CLEC16A: variants seen among roughly 807,000 people sequenced by gnomAD.
CLEC16A encodes C-type lectin domain containing 16A, also known as protein CLEC16A.
A neutral mutation model predicts 109.5 loss-of-function variants in CLEC16A; 51 were observed. The ratio of observed to expected loss-of-function variants is 0.47; its 90% CI spans 0.37 to 0.59. The LOEUF is 0.59. Ranked by LOEUF, CLEC16A falls within the 20% of genes least tolerant of loss-of-function variation. The probability of loss-of-function intolerance (pLI) is 0.00; values close to 1 mark genes in which losing one functional copy is unlikely to be tolerated. For missense variants in CLEC16A, 1,339 were observed against 1,394.0 expected (o/e 0.96, Z 0.63); for synonymous variants, 673 against 564.2 (o/e 1.19, Z -2.73).
intron 19 of CLEC16A, among the ~76,000 whole-genome samples, chr16:11,097,800 T>C (rs1238507531): frequency 6.6e-6 from 1 of 152,230 alleles, no homozygotes; most frequent in Non-Finnish European, 1.5e-5. Context: ...GCTTTGTTTT[T>C]CAATTATCCA....
intron 13 of CLEC16A, chr16:11,027,399 C>T (rs1463930986): frequency 9.1e-6 from 13 of 1,426,744 alleles, no homozygotes; most frequent in Admixed American, 1.7e-5. Context: ...AGTCACCCCC[C>T]AGAATCTACA....
intron 19 of CLEC16A, 50 bp downstream of exon 19, chr16:11,061,072 T>A (rs764761114): frequency 1.3e-6 from 2 of 1,545,314 alleles, no homozygotes; most frequent in East Asian, 4.7e-5. Flanking sequence ...ACATGGGACA[T>A]GGGACACCAC....
Position 11,039,843 on chromosome 16 carries a change from C to A in CLEC16A, c.1627C>A (p.Leu543Ile). The A allele has an allele frequency of 6.2e-7, 1 of 1,612,924 alleles. No individual in the cohort carries two copies. The highest frequency in any genetic ancestry group is 8.5e-7 in the Non-Finnish European group (1 of 1,179,506). Residue 543 changes from leucine to isoleucine, a missense_variant, in exon 14 of 24, where the codon CTC (leucine) becomes ATC (isoleucine). Physicochemically the swap from Leu to Ile is conservative, Grantham distance 5. Around this residue, in one of 3 missense-constraint regions of CLEC16A, gnomAD observed 1,061 missense variants for 1,006.8 expected, o/e 1.05. Coordinates refer to ENST00000409790, the MANE Select transcript of CLEC16A (RefSeq NM_015226.3). ...TTYNHPLAER[L>I]IRIMNNAAQP... Reference sequence around the variant, plus strand: ...CTACAACCACCCGCTAGCTGAAAGACTCATCAGGATCATGAACAACGCTGC... The same window carrying A: ...CTACAACCACCCGCTAGCTGAAAGAATCATCAGGATCATGAACAACGCTGC...
In CLEC16A at chr16:11,017,004, G is replaced by C. The variant is rs576339735; in HGVS notation, c.1304-3189G>C. 1.0e-4 allele frequency among the ~76,000 whole-genome samples: 13 copies of C among 127,638 alleles called. No individual in the cohort carries two copies. The South Asian group carries it at 1.9e-3, about 19-fold the overall frequency. The allele number at this position is 127,638 out of a possible 152,430, so 83.7% of individuals were successfully genotyped here. On this transcript the variant is annotated intron_variant, in intron 11 of 23. Transcript: ENST00000409790. ...GGGCCCATGTGAATATCGGGGCGGG[G>C]GGGGGGGTGCTCCTCCATGCCAAGG...
intron 22 of CLEC16A, among the ~76,000 whole-genome samples, chr16:11,151,008 C>T (rs1286297717): frequency 1.3e-5 from 2 of 152,172 alleles, no homozygotes; most frequent in Non-Finnish European, 2.9e-5. Context: ...ACCTAATGAC[C>T]TCATTTTAAC....
intron 13 of CLEC16A, among the ~76,000 whole-genome samples, chr16:11,039,211 CAA>C (rs1365298607): frequency 6.6e-6 from 1 of 152,156 alleles, no homozygotes; most frequent in Non-Finnish European, 1.5e-5. Flanking sequence ...AGCTTCTCTC[CAA>C]CACTATTAAG....
chr16:11,092,810 C>T (rs747413814), intron 19 of CLEC16A, among the ~76,000 whole-genome samples: 1 of 152,178 alleles, frequency 6.6e-6, no homozygotes, highest in Non-Finnish European at 1.5e-5. Context: ...CTGTGGGCCT[C>T]GGTTTCCTCT....
intron 19 of CLEC16A, among the ~76,000 whole-genome samples, chr16:11,075,428 ATGTGTG>A (rs112426314): frequency 6.5e-5 from 7 of 107,910 alleles, no homozygotes; most frequent in Non-Finnish European, 1.0e-4. Context: ...GTGTGTGTGT[ATGTGTG>A]TGTGTGTGTG....
rs552413859 is a variant in CLEC16A at position 10,989,536 on chromosome 16, G to T, written c.1071+6545G>T. ...AGGCATGAGCCATCACACCCAGCTG[G>T]AAAGTATAAATACTTAACTGCTAAT... On this transcript the variant is annotated intron_variant, in intron 10 of 23. Coordinates refer to ENST00000409790, the MANE Select transcript of CLEC16A (RefSeq NM_015226.3). Among the ~76,000 whole-genome samples, 30 of 152,314 alleles carry T rather than the reference G, an allele frequency of 2.0e-4. No individual in the cohort carries two copies. The South Asian group carries it at 5.8e-3, about 29-fold the overall frequency.
intron 1 of CLEC16A, among the ~76,000 whole-genome samples, chr16:10,946,778 G>A (rs2041401665): frequency 6.6e-6 from 1 of 152,118 alleles, no homozygotes; most frequent in Non-Finnish European, 1.5e-5. Context: ...AATTCCCTTA[G>A]TCCTCACAAG....
At chr16:11,073,181 G>C (rs556905545) in intron 19 of CLEC16A, among the ~76,000 whole-genome samples, 4 of 152,174 alleles carry the variant, frequency 2.6e-5, no homozygotes, top group Non-Finnish European at 4.4e-5. Flanking sequence ...GTGTGGTTTT[G>C]TGGCACTTTG....
At chr16:11,136,219 A>C (rs890030729) in intron 22 of CLEC16A, 3 of 152,218 alleles carry the variant, frequency 2.0e-5, no homozygotes, top group Non-Finnish European at 4.4e-5. Flanking sequence ...ATCTCAGTTT[A>C]TTCATATAAG....
intron 22 of CLEC16A, among the ~76,000 whole-genome samples, chr16:11,143,128 A>G (rs2053913503): frequency 6.6e-6 from 1 of 152,178 alleles, no homozygotes. Context: ...GTAAACATTT[A>G]TTGAGCACCT....
intron 19 of CLEC16A, among the ~76,000 whole-genome samples, chr16:11,076,507 C>A (rs1055206903): frequency 2.6e-5 from 4 of 152,208 alleles, no homozygotes; most frequent in Admixed American, 6.5e-5. Context: ...CTACACACAG[C>A]TCCTCACCCT....
At chr16:10,959,832 C>T (rs1025754685) in intron 2 of CLEC16A, among the ~76,000 whole-genome samples, 5 of 151,614 alleles carry the variant, frequency 3.3e-5, no homozygotes, top group Admixed American at 2.6e-4. Context: ...GGGCTGGTCT[C>T]AAACTCCTGA....
At chr16:11,049,041 C>T (rs953997553) in intron 17 of CLEC16A, among the ~76,000 whole-genome samples, 3 of 151,004 alleles carry the variant, frequency 2.0e-5, no homozygotes, top group African/African-American at 7.3e-5. Context: ...GAGTTTTGCT[C>T]TGTCGCCCAG....
In CLEC16A at chr16:10,944,783, C is replaced by T; in HGVS notation, c.66C>T (p.Ser22=). The change falls in exon 1 of 24, where the codon TCC becomes TCT. Residue 22 remains serine (S), a synonymous_variant. Coordinates refer to ENST00000409790, the MANE Select transcript of CLEC16A (RefSeq NM_015226.3). The part of the protein sequence containing the change: ...GHGKTSRNIH[S]LDHLKYLYHV... ...GCAAGACTTCCCGCAACATCCACTC[C>T]TTGGACCACCTCAAGTGAGTGTGGG... The T allele has an allele frequency of 6.2e-7, 1 of 1,608,956 alleles. No homozygotes were observed. Among genetic ancestry groups the T allele is most frequent in the Non-Finnish European group, 8.5e-7 (1 of 1,178,312 alleles).
intron 1 of CLEC16A, among the ~76,000 whole-genome samples, chr16:10,948,119 T>G (rs1353939323): frequency 1.3e-5 from 2 of 152,210 alleles, no homozygotes; most frequent in Non-Finnish European, 2.9e-5. Flanking sequence ...GGTCTCGATC[T>G]CCTGACCTTG....
At chr16:10,950,843 A>G (rs925770622) in intron 1 of CLEC16A, among the ~76,000 whole-genome samples, 4 of 152,344 alleles carry the variant, frequency 2.6e-5, no homozygotes, top group African/African-American at 9.6e-5. Flanking sequence ...TCTAACCCCC[A>G]GACCTCCTAT....
Sources: gnomAD v4.1 joint callset for allele counts (sites outside exome capture counted in the v4.1 genomes callset) on GRCh38, gnomAD v4.1.1 for gene constraint, gnomAD v4.1.1 regional missense constraint, MANE v1.5 for transcripts, NCBI Gene and HGNC (gene_info 2026-07-23, HGNC 2026-07-21) for gene names.